Variants in ITIH6 observed in about 807,000 individuals in gnomAD.
ITIH6 encodes inter-alpha-trypsin inhibitor heavy chain family member 6, also known as inter-alpha-trypsin inhibitor heavy chain H6.
In ITIH6, 60 loss-of-function variants were observed where a neutral mutation model predicts 58.2. The ratio of observed to expected loss-of-function variants is 1.03; its 90% CI spans 0.84 to 1.28. ITIH6 has a LOEUF of 1.28. ITIH6 is among the 50% of genes most tolerant of loss of function. The pLI is 0.00. For missense variants in ITIH6, 1,290 were observed against 1,021.1 expected (o/e 1.26, Z -3.59); for synonymous variants, 493 against 417.4 (o/e 1.18, Z -2.21).
In ITIH6 at chrX:54,755,083, C is replaced by T; in HGVS notation, c.3136G>A (p.Glu1046Lys). 7.4e-6 allele frequency: 9 copies of T among 1,209,540 alleles called. No homozygotes were observed. The highest frequency in any genetic ancestry group is 1.0e-5 in the Non-Finnish European group (9 of 893,735). The part of the protein sequence containing the change: ...DGSPNWDGNS[E>K]EILGGAGGSM... The stretch of plus-strand genomic sequence containing the variant: ...CCTCCAGCTCCTCCCAGGATCTCCT[C>T]AGAATTGCCATCCCAGTTTGGACTT... Residue 1046 changes from glutamate (E) to lysine (K), a missense_variant, in exon 9 of 13, where the codon GAG becomes AAG. Transcript: ENST00000218436.
chrX:54,751,631 T>A lies in ITIH6; in HGVS notation c.3353-251A>T, dbSNP rs1428830247. On this transcript the variant is annotated intron_variant, in intron 11 of 12. Transcript: ENST00000218436. ...ATATATGTGTGTTTGCCTCTGAGTG[T>A]GTAATATGTGTGTTTGGTTATGTTC... Among the ~76,000 whole-genome samples the A allele has an allele frequency of 3.6e-5, 4 of 112,248 alleles. No individual in the cohort carries two copies. In the East Asian group the frequency reaches 8.4e-4, roughly 24 times the overall value.
intron 5 of ITIH6, among the ~76,000 whole-genome samples, chrX:54,784,281 CA>C (rs1036622454): frequency 1.3e-4 from 14 of 111,615 alleles, no homozygotes; most frequent in Non-Finnish European, 2.6e-4. Flanking sequence ...TTGGTTTGGG[CA>C]AAAATTTCTT....
Position 54,757,972 on chromosome X carries a change from G to A in ITIH6, c.2102C>T (p.Thr701Ile), listed in dbSNP as rs1928540210. Residue 701 changes from threonine to isoleucine, a missense_variant, in exon 8 of 13, where the codon ACA becomes ATA. Coordinates refer to ENST00000218436, the MANE Select transcript of ITIH6 (RefSeq NM_198510.3). ...GESPHTLSMP[T>I]YPKAKIPAQQ... ...TGCTGGAATTTTGGCCTTTGGGTAT[G>A]TGGGCATTGACAGGGTATGAGGGCT... The A allele has an allele frequency of 8.3e-7, 1 of 1,210,241 alleles. No individual in the cohort carries two copies. The highest frequency in any genetic ancestry group is 1.1e-6 in the Non-Finnish European group (1 of 895,285).
At chrX:54,753,326 T>G (rs147308554) in intron 11 of ITIH6, among the ~76,000 whole-genome samples, 2,379 of 112,786 alleles carry the variant, frequency 0.021, 61 homozygotes, top group African/African-American at 0.073. Context: ...GCTTATCTTG[T>G]ACTTGATGGA....
At chrX:54,773,948 G>T in intron 6 of ITIH6, 133 bp downstream of exon 6, 1 of 344,522 alleles carries the variant, frequency 2.9e-6, no homozygotes, top group Non-Finnish European at 5.2e-6. Context: ...CCCTAGGGTA[G>T]GCCCAAGCCT....
chrX:54,763,383 C>T (rs987992498), intron 6 of ITIH6, among the ~76,000 whole-genome samples: 2 of 111,506 alleles, frequency 1.8e-5, no homozygotes, highest in African/African-American at 3.3e-5. Flanking sequence ...CTATGAGGTC[C>T]TAGAAGTCAG....
chrX:54,780,769 C>T (rs754153513), intron 5 of ITIH6, among the ~76,000 whole-genome samples: 16 of 108,931 alleles, frequency 1.5e-4, no homozygotes, highest in Admixed American at 1.2e-3. Flanking sequence ...ACCTTTACCC[C>T]GACTAGTTAA....
At chrX:54,785,682 G>C (rs1929230118) in intron 5 of ITIH6, among the ~76,000 whole-genome samples, 1 of 111,497 alleles carries the variant, frequency 9.0e-6, no homozygotes, top group South Asian at 3.8e-4. Flanking sequence ...TACCGCCTCT[G>C]TCTGCCCACT....
Position 54,749,426 on chromosome X carries a change from C to T in ITIH6, c.*469G>A. ...AGGAAAGGCCTCCTAGAAGAGGTAACAACTAGGATTTGAAGGATGAATTAT... is the reference window on the plus strand; with the variant it reads ...AGGAAAGGCCTCCTAGAAGAGGTAATAACTAGGATTTGAAGGATGAATTAT... On this transcript the variant is annotated 3_prime_UTR_variant, in exon 13 of 13. Coordinates refer to ENST00000218436, the MANE Select transcript of ITIH6 (RefSeq NM_198510.3). 1 of 114,692 alleles carries T rather than the reference C, an allele frequency of 8.7e-6. No homozygotes were observed. Among genetic ancestry groups the T allele is most frequent in the Middle Eastern group, 4.3e-3 (1 of 232 alleles). 9.5% of individuals were successfully genotyped at this position (114,692 alleles called of 1,213,427 possible). A position where few individuals can be genotyped will look rare whatever the true frequency, so the allele number is the denominator to read the frequency against.
At chrX:54,790,802 A>T (rs1929330512) in intron 4 of ITIH6, 35 bp downstream of exon 4, 2 of 1,206,582 alleles carry the variant, frequency 1.7e-6, no homozygotes, top group Non-Finnish European at 2.2e-6. Flanking sequence ...AGTGAAGGCC[A>T]GTCTGATGGG....
intron 2 of ITIH6, 151 bp downstream of exon 2, chrX:54,796,791 G>T: frequency 4.2e-6 from 2 of 476,230 alleles, no homozygotes; most frequent in Non-Finnish European, 3.3e-6. Flanking sequence ...CTTGCCCTGG[G>T]TCCCAAACTG....
chrX:54,790,325 T>G lies in ITIH6; in HGVS notation c.616+512A>C, dbSNP rs779482384. ...CTAGGAGCCCATGTTGTGATTCTGA[T>G]GTAGCCAGTCTGGGCTTCCAAAACC... On this transcript the variant is annotated intron_variant, in intron 4 of 12. Transcript: ENST00000218436. Among the ~76,000 whole-genome samples, 51 of 111,985 alleles carry G rather than the reference T, an allele frequency of 4.6e-4. No individual in the cohort carries two copies. The East Asian group carries it at 6.2e-3, about 14-fold the overall frequency.
chrX:54,792,842 G>A (rs1318633757), intron 2 of ITIH6, among the ~76,000 whole-genome samples: 1 of 112,167 alleles, frequency 8.9e-6, no homozygotes, highest in Non-Finnish European at 1.9e-5. Flanking sequence ...CTGAAAGACA[G>A]GGAGGATATG....
Position 54,757,882 on chromosome X carries a change from G to A in ITIH6, c.2192C>T (p.Ser731Leu), listed in dbSNP as rs762844334. The change falls in exon 8 of 13, where the codon TCA becomes TTA. Residue 731 changes from serine to leucine, a missense_variant. Ser to Leu is a moderately radical substitution (Grantham distance 145, BLOSUM62 -2). Coordinates refer to ENST00000218436, the MANE Select transcript of ITIH6 (RefSeq NM_198510.3). ...LRTKPTILVP[S>L]NSGTLLPLKP... is the part of the protein sequence containing the mutation. ...CAGAGGCAACAGAGTACCAGAATTTGAGGGCACAAGAATGGTAGGTTTTGT... is the reference window on the plus strand; with the variant it reads ...CAGAGGCAACAGAGTACCAGAATTTAAGGGCACAAGAATGGTAGGTTTTGT... The A allele has an allele frequency of 1.7e-6, 2 of 1,211,570 alleles. No individual in the cohort carries two copies. Among genetic ancestry groups the A allele is most frequent in the East Asian group, 3.0e-5 (1 of 33,812 alleles).
chrX:54,785,860 C>T (rs1301853444), intron 5 of ITIH6, among the ~76,000 whole-genome samples: 1 of 111,595 alleles, frequency 9.0e-6, no homozygotes, highest in Admixed American at 9.5e-5. Flanking sequence ...GCTGCTTCAC[C>T]TTAGCTTTGC....
intron 2 of ITIH6, among the ~76,000 whole-genome samples, chrX:54,793,385 G>T (rs2147622031): frequency 9.0e-6 from 1 of 111,245 alleles, no homozygotes; most frequent in East Asian, 2.9e-4. Context: ...AAGCTGAACA[G>T]ATCCAAAACT....
At position 54,790,852 on chromosome X, in the gene ITIH6, T is replaced by C. The variant is rs768038135; in HGVS notation, c.601A>G (p.Thr201Ala). The C allele has an allele frequency of 8.2e-6, 10 of 1,212,155 alleles. No homozygotes were observed. The highest frequency in any genetic ancestry group is 1.1e-5 in the Non-Finnish European group (10 of 895,550). ...GCCCACATACTTGCATGGGCATTGG[T>C]GCGCAGACGGCCGGTCCTCAGGGGT... ...IPPLRTGRLR[T>A]NAHASEVDSP... The change falls in exon 4 of 13, where the codon ACC becomes GCC. Residue 201 changes from threonine to alanine, a missense_variant. Physicochemically the swap from Thr to Ala is moderately conservative, Grantham distance 58. Coordinates refer to ENST00000218436, the MANE Select transcript of ITIH6 (RefSeq NM_198510.3).
chrX:54,785,585 A>C (rs1353402264), intron 5 of ITIH6, among the ~76,000 whole-genome samples: 1 of 111,624 alleles, frequency 9.0e-6, no homozygotes, highest in Non-Finnish European at 1.9e-5. Context: ...CCGGCCCATG[A>C]ATGTCACAGT....
intron 12 of ITIH6, 111 bp from the exon 13 acceptor site, chrX:54,750,217 G>T (rs1211683780): frequency 3.4e-6 from 2 of 594,940 alleles, no homozygotes; most frequent in African/African-American, 4.6e-5. Context: ...GGAAGAAGGA[G>T]GGGCAGCAAA....
Sources: gnomAD v4.1 joint callset for allele counts (sites outside exome capture counted in the v4.1 genomes callset) on GRCh38, gnomAD v4.1.1 for gene constraint, MANE v1.5 for transcripts, NCBI Gene and HGNC (gene_info 2026-07-23, HGNC 2026-07-21) for gene names.